MTHFSD: variants seen among roughly 807,000 people sequenced by gnomAD.
MTHFSD encodes methenyltetrahydrofolate synthetase domain containing.
Under a neutral mutation model 31.1 loss-of-function variants are expected in MTHFSD, and 37 were observed. The observed-to-expected ratio is 1.19, with a 90% confidence interval of 0.91 to 1.56. The LOEUF (loss-of-function observed/expected upper bound fraction) is 1.56, where lower values mean the gene tolerates loss of function less well. Ranked by LOEUF, MTHFSD falls within the 40% of genes most tolerant of loss-of-function variation. The pLI is 0.00. For missense variants in MTHFSD, 664 were observed against 510.1 expected, an observed-to-expected ratio of 1.30 and a Z score of -2.91; for synonymous variants, 221 against 206.9, an observed-to-expected ratio of 1.07 and a Z score of -0.59.
In MTHFSD at chr16:86,555,204, G is replaced by A. The variant is rs545825916; in HGVS notation, c.-20C>T. 9.1e-6 allele frequency: 14 copies of A among 1,536,554 alleles called. No homozygotes were observed. The highest frequency in any genetic ancestry group is 7.1e-5 in the South Asian group (6 of 84,040). ...CTCCATGGTGATGCAGTCGCTGTGC[G>A]ACGCTTCCCGGCGCAGGTTCTGGCG... On this transcript the variant is annotated 5_prime_UTR_variant, in exon 1 of 8. Transcript: ENST00000360900.
In MTHFSD at chr16:86,546,655, C is replaced by T. The variant is rs746456623; in HGVS notation, c.352-6G>A. The T allele has an allele frequency of 1.2e-6, 2 of 1,610,666 alleles. No homozygotes were observed. Among genetic ancestry groups the T allele is most frequent in the Non-Finnish European group, 1.7e-6 (2 of 1,177,132 alleles). ...ACACTGTAGTTCCTCACACCCTGCA[C>T]ACAGAGATACGGATTGGAAAACTTC... On this transcript the variant is annotated splice_region_variant and splice_polypyrimidine_tract_variant and intron_variant, in intron 4 of 7. Coordinates refer to ENST00000360900, the MANE Select transcript of MTHFSD (RefSeq NM_001159377.2).
At chr16:86,534,450 C>T (rs1392149411) in intron 7 of MTHFSD, among the ~76,000 whole-genome samples, 1 of 152,218 alleles carries the variant, frequency 6.6e-6, no homozygotes, top group Non-Finnish European at 1.5e-5. Flanking sequence ...AGAATGCTTG[C>T]TTCTGCCATA....
chr16:86,549,731 CA>C (rs1295880641), intron 3 of MTHFSD, among the ~76,000 whole-genome samples: 1 of 152,266 alleles, frequency 6.6e-6, no homozygotes. Context: ...CAACAGTCTT[CA>C]AACCTCCTTG....
Position 86,532,315 on chromosome 16 carries a change from G to A in MTHFSD, c.848C>T (p.Pro283Leu), listed in dbSNP as rs746441645. ...CTCCATGGAATTGGTTTCTGGTCCG[G>A]GTGTGTCCGGGGGCCTCCTGCCAAC... ...LSVGRRPPDTPGPETNSMEAA... is the reference protein window; with the variant it reads ...LSVGRRPPDTLGPETNSMEAA... Residue 283 changes from proline (P) to leucine (L), a missense_variant, in exon 8 of 8, where the codon CCC becomes CTC. Transcript: ENST00000360900. The A allele has an allele frequency of 1.3e-6, 2 of 1,593,102 alleles. No homozygotes were observed. Among genetic ancestry groups the A allele is most frequent in the Admixed American group, 3.5e-5 (2 of 56,844 alleles).
At chr16:86,555,103 A>G (rs1973904513) in intron 1 of MTHFSD, 66 bp downstream of exon 1, 1 of 1,523,636 alleles carries the variant, frequency 6.6e-7, no homozygotes. Context: ...CCCCGCCTCG[A>G]CCCTCACCGG....
intron 1 of MTHFSD, 113 bp downstream of exon 1, chr16:86,555,056 C>T: frequency 1.4e-6 from 2 of 1,476,344 alleles, no homozygotes; most frequent in Non-Finnish European, 1.8e-6. Flanking sequence ...TCGGCCGCTT[C>T]CGGTGATTCT....
At chr16:86,538,505 C>G (rs1025007488) in intron 7 of MTHFSD, among the ~76,000 whole-genome samples, 1 of 152,230 alleles carries the variant, frequency 6.6e-6, no homozygotes, top group Non-Finnish European at 1.5e-5. Flanking sequence ...GCATTTCACT[C>G]CCGACAAGGG....
intron 3 of MTHFSD, among the ~76,000 whole-genome samples, chr16:86,551,482 TTG>T (rs746979294): frequency 3.3e-5 from 5 of 152,220 alleles, no homozygotes; most frequent in Non-Finnish European, 7.3e-5. Context: ...GCCATAGTTT[TTG>T]TGTTTGTTTG....
rs1201271540 is a variant in MTHFSD at position 86,546,660 on chromosome 16, A to C, written c.352-11T>G. On this transcript the variant is annotated splice_polypyrimidine_tract_variant and intron_variant, in intron 4 of 7. Coordinates refer to ENST00000360900, the MANE Select transcript of MTHFSD (RefSeq NM_001159377.2). Reference sequence around the variant, plus strand: ...GTAGTTCCTCACACCCTGCACACAGAGATACGGATTGGAAAACTTCAACTC... The same window carrying C: ...GTAGTTCCTCACACCCTGCACACAGCGATACGGATTGGAAAACTTCAACTC... 1.2e-5 allele frequency: 20 copies of C among 1,608,500 alleles called. No individual in the cohort carries two copies. Among genetic ancestry groups the C allele is most frequent in the Non-Finnish European group, 1.4e-5 (17 of 1,175,368 alleles).
chr16:86,555,071 C>T (rs958296276), intron 1 of MTHFSD, 98 bp downstream of exon 1: 16 of 1,501,018 alleles, frequency 1.1e-5, no homozygotes, highest in Non-Finnish European at 1.8e-6. Context: ...GATTCTGCCC[C>T]ATCCTCTGCC....
At chr16:86,532,552 A>C in intron 7 of MTHFSD, 71 bp from the exon 8 acceptor site, 1 of 1,206,096 alleles carries the variant, frequency 8.3e-7, no homozygotes, top group Non-Finnish European at 1.1e-6. Context: ...ACGCATCCAC[A>C]CCTCTGACTA....
Position 86,555,196 on chromosome 16 carries a change from C to G in MTHFSD, c.-12G>C. 3.9e-6 allele frequency: 6 copies of G among 1,536,734 alleles called. No homozygotes were observed. The highest frequency in any genetic ancestry group is 5.2e-6 in the Non-Finnish European group (6 of 1,146,514). On this transcript the variant is annotated 5_prime_UTR_variant, in exon 1 of 8. Transcript: ENST00000360900. ...GCCCTCGGCTCCATGGTGATGCAGT[C>G]GCTGTGCGACGCTTCCCGGCGCAGG...
At position 86,552,160 on chromosome 16, in the gene MTHFSD, TA is replaced by T. The variant is rs781530004; in HGVS notation, c.124-15del. On this transcript the variant is annotated splice_polypyrimidine_tract_variant and intron_variant, in intron 2 of 7. Transcript: ENST00000360900. ...CAGATAAGACCCCTAGTTAGGCAAA[TA>T]GACAGAGTTGCACTTACTTCAAGGA... 5 of 1,614,156 alleles carry T rather than the reference TA, an allele frequency of 3.1e-6. No homozygotes were observed. Among genetic ancestry groups the T allele is most frequent in the Admixed American group, 3.3e-5 (2 of 60,006 alleles).
chr16:86,534,268 G>C (rs953993040), intron 7 of MTHFSD, among the ~76,000 whole-genome samples: 1 of 152,232 alleles, frequency 6.6e-6, no homozygotes, highest in Non-Finnish European at 1.5e-5. Context: ...TAAACTCACA[G>C]AGCAGTATCA....
intron 3 of MTHFSD, among the ~76,000 whole-genome samples, chr16:86,549,822 C>T (rs569981074): frequency 5.2e-4 from 79 of 152,376 alleles, no homozygotes; most frequent in Non-Finnish European, 1.0e-3. Context: ...GGAGCACCCT[C>T]GGAGTACTGA....
intron 7 of MTHFSD, among the ~76,000 whole-genome samples, chr16:86,534,724 A>G (rs16941442): frequency 0.39 from 59,567 of 151,950 alleles, 13,543 homozygotes; most frequent in African/African-American, 0.61. Context: ...GTGGCTATGC[A>G]TTTATCTGGA....
chr16:86,532,990 TC>T (rs1970182984), intron 7 of MTHFSD: 1 of 152,182 alleles, frequency 6.6e-6, no homozygotes, highest in South Asian at 2.1e-4. Flanking sequence ...GGGTCTCCTC[TC>T]CCCTGAAGGA....
At chr16:86,543,142 G>A (rs1199173411) in intron 5 of MTHFSD, among the ~76,000 whole-genome samples, 1 of 152,252 alleles carries the variant, frequency 6.6e-6, no homozygotes, top group African/African-American at 2.4e-5. Context: ...AGGCAGATAA[G>A]CCGCAAACAT....
rs867482780 is a variant in MTHFSD at position 86,542,036 on chromosome 16, C to T, written c.555+65G>A. ...GGTTCAGAAGCAGATGAGTCTCCTT[C>T]CCCACCCCCTGCTCCCTCAGAAGAG... On this transcript the variant is annotated intron_variant, in intron 6 of 7. Transcript: ENST00000360900. The surrounding 1 kb of genome is among the most constrained non-coding windows in gnomAD (Gnocchi z 4.6). The T allele has an allele frequency of 6.7e-7, 1 of 1,490,360 alleles. No homozygotes were observed. The highest frequency in any genetic ancestry group is 1.8e-4 in the Middle Eastern group (1 of 5,528). 92.3% of individuals were successfully genotyped at this position (1,490,360 alleles called of 1,614,324 possible). A position where few individuals can be genotyped will look rare whatever the true frequency, so the allele number is the denominator to read the frequency against.
Sources: gnomAD v4.1 joint callset for allele counts (sites outside exome capture counted in the v4.1 genomes callset) on GRCh38, gnomAD v4.1.1 for gene constraint, Gnocchi (gnomAD v3.1) non-coding constraint, MANE v1.5 for transcripts, NCBI Gene and HGNC (gene_info 2026-07-23, HGNC 2026-07-21) for gene names.